CHD6: variants seen among roughly 807,000 people sequenced by gnomAD.
CHD6 encodes ATP-dependent chromatin remodeler CHD6.
A neutral mutation model predicts 276.9 loss-of-function variants in CHD6; 50 were observed. The observed-to-expected ratio is 0.18, with a 90% confidence interval of 0.14 to 0.23. The LOEUF is 0.23. Among genes scored for constraint, CHD6 ranks in the 10% least tolerant of loss-of-function variants. The pLI, the probability that CHD6 is intolerant of heterozygous loss-of-function variation, is 1.00. For synonymous variants in CHD6, 1,173 were observed against 1,229.3 expected, an observed-to-expected ratio of 0.95 and a Z score of 0.96; for missense variants, 2,564 against 3,365.8, an observed-to-expected ratio of 0.76 and a Z score of 5.89.
intron 2 of CHD6, among the ~76,000 whole-genome samples, chr20:41,540,276 G>A (rs2044916395): frequency 6.6e-6 from 1 of 152,088 alleles, no homozygotes. Flanking sequence ...AAACAGAAAT[G>A]GCAATAAATA....
At chr20:41,409,792 T>G (rs763552171) in intron 36 of CHD6, among the ~76,000 whole-genome samples, 8 of 152,346 alleles carry the variant, frequency 5.3e-5, no homozygotes, top group Admixed American at 6.5e-5. Context: ...CTTTATGAGA[T>G]GCATGCTGAA....
chr20:41,428,451 T>C (rs2047433856), intron 27 of CHD6, among the ~76,000 whole-genome samples: 1 of 152,158 alleles, frequency 6.6e-6, no homozygotes, highest in Admixed American at 6.5e-5. Context: ...GAAATGTTCA[T>C]CTTCAAAGAG....
At chr20:41,491,884 T>C (rs956849072) in intron 10 of CHD6, 65 bp from the exon 11 acceptor site, 2 of 1,563,762 alleles carry the variant, frequency 1.3e-6, no homozygotes, top group Non-Finnish European at 1.8e-6. Flanking sequence ...ACATGGATAC[T>C]AACGAGGACA....
intron 1 of CHD6, among the ~76,000 whole-genome samples, chr20:41,567,196 A>G (rs2045364903): frequency 6.6e-6 from 1 of 152,108 alleles, no homozygotes; most frequent in Non-Finnish European, 1.5e-5. Context: ...GGTCTGGCCT[A>G]TGTGTGGCAG....
At chr20:41,605,238 A>G (rs2045816007) in intron 1 of CHD6, among the ~76,000 whole-genome samples, 1 of 152,158 alleles carries the variant, frequency 6.6e-6, no homozygotes, top group African/African-American at 2.4e-5. Flanking sequence ...TGTTCATGGT[A>G]TTGTTCTCAT....
At chr20:41,554,876 G>C (rs1274224997) in intron 1 of CHD6, among the ~76,000 whole-genome samples, 1 of 152,306 alleles carries the variant, frequency 6.6e-6, no homozygotes, top group East Asian at 1.9e-4. Flanking sequence ...ATCATGGCCT[G>C]TTCTCAATGA....
intron 10 of CHD6, 96 bp from the exon 11 acceptor site, chr20:41,491,915 A>G: frequency 2.9e-6 from 4 of 1,379,066 alleles, no homozygotes; most frequent in Non-Finnish European, 4.1e-6. Context: ...TCACTGTCCC[A>G]AGGCTGGTTT....
chr20:41,529,753 A>C (rs1251782963), intron 3 of CHD6, among the ~76,000 whole-genome samples: 1 of 152,086 alleles, frequency 6.6e-6, no homozygotes, highest in Non-Finnish European at 1.5e-5. Context: ...GTCAGACCCC[A>C]GAGGGTCTGA....
chr20:41,498,244 C>G lies in CHD6; in HGVS notation c.916-18G>C. On this transcript the variant is annotated intron_variant, in intron 6 of 36. Transcript: ENST00000373233. ...GGGTGAACCTGTAACAAACAGCAAG[C>G]AGTTATCAGCCCAGATCCCAGGCAG... The G allele has an allele frequency of 6.2e-7, 1 of 1,603,072 alleles. No individual in the cohort carries two copies. The highest frequency in any genetic ancestry group is 8.5e-7 in the Non-Finnish European group (1 of 1,173,310).
chr20:41,501,068 G>A (rs753341281), intron 5 of CHD6, among the ~76,000 whole-genome samples: 28 of 152,160 alleles, frequency 1.8e-4, no homozygotes, highest in South Asian at 4.1e-4. Flanking sequence ...TGACTATGGC[G>A]AGTGGGCAGT....
At chr20:41,496,272 A>G (rs1393665534) in intron 8 of CHD6, among the ~76,000 whole-genome samples, 1 of 152,220 alleles carries the variant, frequency 6.6e-6, no homozygotes, top group Non-Finnish European at 1.5e-5. Context: ...AACCAGAAAG[A>G]TTCCAAGAAC....
intron 33 of CHD6, among the ~76,000 whole-genome samples, 185 bp downstream of exon 33, chr20:41,416,403 A>G (rs2046997576): frequency 6.6e-6 from 1 of 152,198 alleles, no homozygotes; most frequent in Non-Finnish European, 1.5e-5. Context: ...CTCCTGCTCC[A>G]ATACTTTTAC....
intron 23 of CHD6, among the ~76,000 whole-genome samples, chr20:41,449,759 T>C (rs921536752): frequency 1.3e-5 from 2 of 152,194 alleles, no homozygotes; most frequent in Non-Finnish European, 2.9e-5. Context: ...GCTTAATGAA[T>C]TCCTACAAAC....
intron 1 of CHD6, among the ~76,000 whole-genome samples, chr20:41,588,231 C>T (rs1471157269): frequency 1.3e-5 from 2 of 152,118 alleles, no homozygotes; most frequent in Non-Finnish European, 2.9e-5. Context: ...GCCACAATAA[C>T]GCTGAACAAC....
chr20:41,611,249 C>T (rs149725996), intron 1 of CHD6, among the ~76,000 whole-genome samples: 2,532 of 152,210 alleles, frequency 0.017, 34 homozygotes, highest in Admixed American at 0.035. Context: ...TTCACAGACA[C>T]AGAAAAAAAT....
chr20:41,502,886 G>A (rs1480292711), intron 5 of CHD6, among the ~76,000 whole-genome samples: 2 of 152,142 alleles, frequency 1.3e-5, no homozygotes, highest in African/African-American at 2.4e-5. Flanking sequence ...CACGCCTATA[G>A]TCCCAGCTAT....
chr20:41,472,199 G>A lies in CHD6; in HGVS notation c.2664+1123C>T, dbSNP rs866328043. On this transcript the variant is annotated intron_variant, in intron 17 of 36. Transcript: ENST00000373233. ...GAGGTTGCAGTGAGCTGAGATTGCC[G>A]CACTGCATTCCACCCTGGGGGAATG... is the stretch of plus-strand genomic sequence containing the variant. Among the ~76,000 whole-genome samples, 8 of 150,594 alleles carry A rather than the reference G, an allele frequency of 5.3e-5. No individual in the cohort carries two copies. In the South Asian group the frequency reaches 8.4e-4, roughly 16 times the overall value.
chr20:41,597,065 T>C (rs562537177), intron 1 of CHD6, among the ~76,000 whole-genome samples: 7 of 151,954 alleles, frequency 4.6e-5, no homozygotes, highest in African/African-American at 1.7e-4. Context: ...GCAAGGAAAC[T>C]TAAAAACAGG....
intron 2 of CHD6, among the ~76,000 whole-genome samples, chr20:41,545,205 T>C (rs1377966324): frequency 4.6e-5 from 7 of 152,184 alleles, no homozygotes; most frequent in South Asian, 2.1e-4. Context: ...CCCTTAAGTC[T>C]TCATTTCCTC....
Sources: gnomAD v4.1 joint callset for allele counts (sites outside exome capture counted in the v4.1 genomes callset) on GRCh38, gnomAD v4.1.1 for gene constraint, MANE v1.5 for transcripts, NCBI Gene and HGNC (gene_info 2026-07-23, HGNC 2026-07-21) for gene names.